BRD3: variants seen among roughly 807,000 people sequenced by gnomAD.
BRD3 encodes bromodomain containing 3, also known as bromodomain-containing protein 3.
In BRD3, 17 loss-of-function variants were observed where a neutral mutation model predicts 66.8. The ratio of observed to expected loss-of-function variants is 0.25; its 90% CI spans 0.17 to 0.38. The LOEUF (loss-of-function observed/expected upper bound fraction) is 0.38, where lower values mean the gene tolerates loss of function less well. BRD3 is among the 10% of genes least tolerant of loss of function. The pLI, the probability that BRD3 is intolerant of heterozygous loss-of-function variation, is 1.00. For missense variants in BRD3, 713 were observed against 956.1 expected, an observed-to-expected ratio of 0.75 and a Z score of 3.35; for synonymous variants, 421 against 393.2, an observed-to-expected ratio of 1.07 and a Z score of -0.84.
chr9:134,042,654 CACACACACACACACACATATATAT>C (rs1369260490), intron 7 of BRD3, among the ~76,000 whole-genome samples: 49 of 146,458 alleles, frequency 3.3e-4, no homozygotes, highest in African/African-American at 1.2e-3. Flanking sequence ...TATACACACA[CACACACACACACACACATATATAT>C]ACACACACAC....
chr9:134,053,703 C>T, intron 1 of BRD3, 113 bp from the exon 2 acceptor site: 1 of 962,742 alleles, frequency 1.0e-6, no homozygotes, highest in Non-Finnish European at 1.5e-6. Context: ...AGGGCCTGCT[C>T]CACTCACTCA....
chr9:134,052,474 G>A lies in BRD3; in HGVS notation c.214-31C>T, dbSNP rs556213541. The A allele has an allele frequency of 3.2e-6, 5 of 1,586,614 alleles. 1 individual carries two copies. The highest frequency in any genetic ancestry group is 2.2e-5 in the South Asian group (2 of 89,818). Reference sequence around the variant, plus strand: ...AAAGAGATTTTCAGAGGCATTACCAGAAGATTCTACATAATTATTTTCACA... The same window carrying A: ...AAAGAGATTTTCAGAGGCATTACCAAAAGATTCTACATAATTATTTTCACA... On this transcript the variant is annotated intron_variant, in intron 2 of 11. Coordinates refer to ENST00000303407, the MANE Select transcript of BRD3 (RefSeq NM_007371.4).
chr9:134,066,127 T>C (rs1176205505), intron 1 of BRD3, among the ~76,000 whole-genome samples: 1 of 152,110 alleles, frequency 6.6e-6, no homozygotes, highest in Non-Finnish European at 1.5e-5. Context: ...AAATCCCTCC[T>C]CCCCGGATGT....
chr9:134,064,464 C>T (rs55924785), intron 1 of BRD3, among the ~76,000 whole-genome samples: 20,679 of 152,142 alleles, frequency 0.14, 1,617 homozygotes, highest in Middle Eastern at 0.21. Flanking sequence ...TTGCTTGAAC[C>T]CAGGAGGTGG....
intron 1 of BRD3, among the ~76,000 whole-genome samples, chr9:134,067,512 C>G (rs1005087349): frequency 6.7e-6 from 1 of 148,428 alleles, no homozygotes; most frequent in Admixed American, 6.7e-5. Flanking sequence ...CCGCGTCCTC[C>G]CTGGGTTCCC....
At chr9:134,040,626 T>C (rs1352588835) in intron 8 of BRD3, among the ~76,000 whole-genome samples, 11 of 152,218 alleles carry the variant, frequency 7.2e-5, no homozygotes, top group African/African-American at 2.4e-4. Flanking sequence ...GTTTGTTACA[T>C]AGGTATACAT....
rs201025845 is a variant in BRD3, at chr9:134,033,396, C to G, written c.*194G>C. ...AAGAGACTTTCTGCAGAGTTCACAC[C>G]TTCTCATCAAGTCTAACGCACACAC... On this transcript the variant is annotated 3_prime_UTR_variant, in exon 12 of 12. Coordinates refer to ENST00000303407, the MANE Select transcript of BRD3 (RefSeq NM_007371.4). This position sits in a 1 kb window ranked among gnomAD's most constrained non-coding sequence, Gnocchi z 5.1. 1.9e-6 allele frequency: 1 copy of G among 519,546 alleles called. No individual in the cohort carries two copies. The highest frequency in any genetic ancestry group is 3.4e-6 in the Non-Finnish European group (1 of 292,848). The allele number at this position is 519,546 out of a possible 1,614,324, so 32.2% of individuals were successfully genotyped here.
rs117490119 is a variant in BRD3, at chr9:134,061,775, A to T, written c.-114+6170T>A. On this transcript the variant is annotated intron_variant, in intron 1 of 11. Coordinates refer to ENST00000303407, the MANE Select transcript of BRD3 (RefSeq NM_007371.4). ...GAGAAGGCCAGAGCCAGCTTGAACAAAGCTGGACATCCATGCCAGACTCAC... is the reference window on the plus strand; with the variant it reads ...GAGAAGGCCAGAGCCAGCTTGAACATAGCTGGACATCCATGCCAGACTCAC... Among the ~76,000 whole-genome samples, 3 of 152,306 alleles carry T rather than the reference A, an allele frequency of 2.0e-5. No homozygotes were observed. The East Asian group carries it at 5.8e-4, about 29-fold the overall frequency.
chr9:134,062,288 C>T (rs547259564), intron 1 of BRD3, among the ~76,000 whole-genome samples: 42 of 152,294 alleles, frequency 2.8e-4, no homozygotes, highest in African/African-American at 9.9e-4. Flanking sequence ...CCCGGCTCTA[C>T]AGGCCCAGCC....
At chr9:134,047,448 G>A (rs1343965001) in intron 6 of BRD3, among the ~76,000 whole-genome samples, 1 of 152,208 alleles carries the variant, frequency 6.6e-6, no homozygotes, top group Non-Finnish European at 1.5e-5. Context: ...TTGGGGCGGT[G>A]CAGCTCAAAT....
chr9:134,045,257 G>A lies in BRD3; in HGVS notation c.1215+36C>T. ...GAGGCCAGGATGCCCACAGCACTGA[G>A]CTGAGCAGCCCCACCCGTGCCCAGC... On this transcript the variant is annotated intron_variant, in intron 7 of 11. Transcript: ENST00000303407. This position sits in a 1 kb window ranked among gnomAD's most constrained non-coding sequence, Gnocchi z 4.8. 6.2e-7 allele frequency: 1 copy of A among 1,611,628 alleles called. No homozygotes were observed. Among genetic ancestry groups the A allele is most frequent in the Non-Finnish European group, 8.5e-7 (1 of 1,179,108 alleles).
chr9:134,036,980 C>A (rs1829935459), intron 9 of BRD3, among the ~76,000 whole-genome samples: 1 of 151,892 alleles, frequency 6.6e-6, no homozygotes, highest in African/African-American at 2.4e-5. Context: ...CCCTGCACTC[C>A]AGCCTGGGCG....
At chr9:134,047,441 G>T (rs1052481981) in intron 6 of BRD3, among the ~76,000 whole-genome samples, 2 of 152,178 alleles carry the variant, frequency 1.3e-5, no homozygotes, top group Non-Finnish European at 2.9e-5. Flanking sequence ...CCCTGGCTTG[G>T]GGCGGTGCAG....
chr9:134,041,439 G>A (rs1437433811), intron 8 of BRD3, among the ~76,000 whole-genome samples: 1 of 152,172 alleles, frequency 6.6e-6, no homozygotes, highest in African/African-American at 2.4e-5. Context: ...TGTGGCCTCT[G>A]CAAGTGCCTC....
intron 10 of BRD3, among the ~76,000 whole-genome samples, chr9:134,035,334 G>C (rs750995606): frequency 1.1e-4 from 16 of 152,164 alleles, no homozygotes; most frequent in Non-Finnish European, 2.1e-4. Flanking sequence ...CCAGGAAAAG[G>C]AGCAAGTGAG....
rs796913445 is a variant in BRD3 at position 134,031,624 on chromosome 9, A to G, written c.*1966T>C. The stretch of plus-strand genomic sequence containing the variant: ...CAAGTGTCAGACTCACCAGCAATTT[A>G]AAAAATGATAATTTACCAGCATCTC... On this transcript the variant is annotated 3_prime_UTR_variant, in exon 12 of 12. Coordinates refer to ENST00000303407, the MANE Select transcript of BRD3 (RefSeq NM_007371.4). 7 of 213,136 alleles carry G rather than the reference A, an allele frequency of 3.3e-5. No individual in the cohort carries two copies. The highest frequency in any genetic ancestry group is 1.6e-4 in the African/African-American group (7 of 44,194). 13.2% of individuals were successfully genotyped at this position (213,136 alleles called of 1,614,324 possible).
chr9:134,068,042 G>C (rs1830710881), upstream of BRD3: 1 of 143,552 alleles, frequency 7.0e-6, no homozygotes, highest in South Asian at 2.1e-4. Flanking sequence ...CGCCGGAGCC[G>C]AGCAGGGCTC....
intron 1 of BRD3, among the ~76,000 whole-genome samples, chr9:134,063,574 C>T (rs960924004): frequency 2.6e-5 from 4 of 152,224 alleles, no homozygotes; most frequent in African/African-American, 9.7e-5. Flanking sequence ...ATACTCAGCA[C>T]TCCTGCAGGG....
chr9:134,040,306 C>T (rs1438037288), intron 8 of BRD3, 37 bp from the exon 9 acceptor site: 25 of 1,569,588 alleles, frequency 1.6e-5, no homozygotes, highest in African/African-American at 6.8e-5. Flanking sequence ...GTGCTGGGCA[C>T]GGCCCACACC....
Sources: gnomAD v4.1 joint callset for allele counts (sites outside exome capture counted in the v4.1 genomes callset) on GRCh38, gnomAD v4.1.1 for gene constraint, Gnocchi (gnomAD v3.1) non-coding constraint, MANE v1.5 for transcripts, NCBI Gene and HGNC (gene_info 2026-07-23, HGNC 2026-07-21) for gene names.